OR52N4: variants seen among roughly 807,000 people sequenced by gnomAD.
OR52N4 encodes the protein olfactory receptor family 52 subfamily N member 4, also known as olfactory receptor 52N4.
In OR52N4, 15 loss-of-function variants were observed where a neutral mutation model predicts 15.0. The ratio of observed to expected loss-of-function variants is 1.00; its 90% CI spans 0.67 to 1.54. The LOEUF is 1.54. OR52N4 is among the 40% of genes most tolerant of loss of function. The probability of loss-of-function intolerance (pLI) is 0.00; values close to 1 mark genes in which losing one functional copy is unlikely to be tolerated. For missense variants in OR52N4, 421 were observed against 394.0 expected, an observed-to-expected ratio of 1.07 and a Z score of -0.58; for synonymous variants, 143 against 143.7, an observed-to-expected ratio of 1.00 and a Z score of 0.03.
chr11:5,754,177 T>C (rs1472809372), upstream of OR52N4: 2 of 152,164 alleles, frequency 1.3e-5, no homozygotes, highest in South Asian at 2.1e-4. Context: ...CCAAGCTTCA[T>C]TGAGTAATAA....
chr11:5,738,653 T>C, the OR52N4 span: 1 of 152,120 alleles, frequency 6.6e-6, no homozygotes, highest in Non-Finnish European at 1.5e-5. Context: ...CATAAGAATG[T>C]AGGCAGCTTC....
At chr11:5,734,786 C>T in the OR52N4 span, among the ~76,000 whole-genome samples, 1 of 152,044 alleles carries the variant, frequency 6.6e-6, no homozygotes, top group African/African-American at 2.4e-5. Context: ...TTGTGTTGAA[C>T]CCCTTCAGAA....
Position 5,755,764 on chromosome 11 carries a change from T to C in OR52N4, c.*58T>C. 1.3e-6 allele frequency: 2 copies of C among 1,551,658 alleles called. No individual in the cohort carries two copies. Among genetic ancestry groups the C allele is most frequent in the African/African-American group, 2.7e-5 (2 of 72,992 alleles). On this transcript the variant is annotated 3_prime_UTR_variant, in exon 2 of 2. Transcript: ENST00000641350. Reference sequence around the variant, plus strand: ...AAGAATTACTTCTATTTGCCTCTTATGCAGGAGTTCATAAAATCTTTCTGG... The same window carrying C: ...AAGAATTACTTCTATTTGCCTCTTACGCAGGAGTTCATAAAATCTTTCTGG...
Position 5,755,603 on chromosome 11 carries a change from C to T in OR52N4, c.863C>T (p.Pro288Leu). ...GCCAATATTTATCTGCTCCTACCACCCACTATGAACCCTATTGTCTATGGG... is the reference window on the plus strand; with the variant it reads ...GCCAATATTTATCTGCTCCTACCACTCACTATGAACCCTATTGTCTATGGG... ...IVANIYLLLP[P>L]TMNPIVYGVK... The change falls in exon 2 of 2, where the codon CCC becomes CTC. Residue 288 changes from proline to leucine, a missense_variant. Pro to Leu is a moderately conservative substitution (Grantham distance 98). Coordinates refer to ENST00000641350, the MANE Select transcript of OR52N4 (RefSeq NM_001005175.5). 1 of 1,613,876 alleles carries T rather than the reference C, an allele frequency of 6.2e-7. No individual in the cohort carries two copies. Among genetic ancestry groups the T allele is most frequent in the Non-Finnish European group, 8.5e-7 (1 of 1,179,816 alleles).
At chr11:5,728,294 T>C in the OR52N4 span, among the ~76,000 whole-genome samples, 7 of 152,198 alleles carry the variant, frequency 4.6e-5, no homozygotes, top group African/African-American at 1.7e-4. Flanking sequence ...CCACTCAGAA[T>C]GGGAATTCTT....
chr11:5,752,701 T>C (rs1340714868), upstream of OR52N4, among the ~76,000 whole-genome samples: 1 of 152,208 alleles, frequency 6.6e-6, no homozygotes, highest in Non-Finnish European at 1.5e-5. Flanking sequence ...TACATGTTGA[T>C]TGATTTTTAC....
the OR52N4 span, chr11:5,736,979 C>T: frequency 6.2e-7 from 1 of 1,614,154 alleles, no homozygotes; most frequent in Non-Finnish European, 8.5e-7. Context: ...AAAAGCTACC[C>T]TGTTCATGGT....
the OR52N4 span, among the ~76,000 whole-genome samples, chr11:5,732,968 T>A: frequency 6.6e-6 from 1 of 151,950 alleles, no homozygotes; most frequent in African/African-American, 2.4e-5. Flanking sequence ...AAACTTAGAG[T>A]TATTTTGGGG....
upstream of OR52N4, among the ~76,000 whole-genome samples, chr11:5,752,604 C>A (rs1034847815): frequency 1.1e-4 from 16 of 152,246 alleles, no homozygotes; most frequent in Middle Eastern, 3.4e-3. Context: ...CATGTTTTAA[C>A]ATATTACGTC....
chr11:5,740,922 T>G, the OR52N4 span, among the ~76,000 whole-genome samples: 12 of 127,308 alleles, frequency 9.4e-5, 3 homozygotes, highest in African/African-American at 3.4e-4. Flanking sequence ...TATACCAAGG[T>G]GTGCACTCTG....
chr11:5,745,574 A>C, the OR52N4 span, among the ~76,000 whole-genome samples: 1 of 152,188 alleles, frequency 6.6e-6, no homozygotes, highest in South Asian at 2.1e-4. Context: ...AAATCACCTC[A>C]TGCTCATGAA....
the OR52N4 span, among the ~76,000 whole-genome samples, chr11:5,742,313 T>A: frequency 1.3e-5 from 2 of 152,102 alleles, no homozygotes; most frequent in African/African-American, 4.8e-5. Flanking sequence ...AGGAAATAAT[T>A]AGGAAAATTT....
chr11:5,746,103 T>C, the OR52N4 span, among the ~76,000 whole-genome samples: 1 of 152,132 alleles, frequency 6.6e-6, no homozygotes, highest in Non-Finnish European at 1.5e-5. Context: ...TAGCTGTAGG[T>C]AGAAGAATGA....
chr11:5,735,680 A>G, the OR52N4 span, among the ~76,000 whole-genome samples: 2 of 152,304 alleles, frequency 1.3e-5, no homozygotes, highest in South Asian at 4.1e-4. Context: ...TGCAGAATAA[A>G]AAGTAAATGG....
intron 1 of OR52N4, among the ~76,000 whole-genome samples, 166 bp from the exon 2 acceptor site, chr11:5,754,527 T>A (rs7396868): frequency 0.91 from 139,138 of 152,150 alleles, 63,981 homozygotes; most frequent in Middle Eastern, 0.98. Context: ...CTGAATCAAT[T>A]AATTAATCAA....
At chr11:5,735,486 T>C in the OR52N4 span, among the ~76,000 whole-genome samples, 1 of 151,988 alleles carries the variant, frequency 6.6e-6, no homozygotes, top group Non-Finnish European at 1.5e-5. Context: ...ATCAGATTGC[T>C]AGCAGAAAGA....
Position 5,755,760 on chromosome 11 carries a change from C to T in OR52N4, c.*54C>T. The T allele has an allele frequency of 6.4e-7, 1 of 1,561,126 alleles. No individual in the cohort carries two copies. The highest frequency in any genetic ancestry group is 8.6e-7 in the Non-Finnish European group (1 of 1,156,142). On this transcript the variant is annotated 3_prime_UTR_variant, in exon 2 of 2. Coordinates refer to ENST00000641350, the MANE Select transcript of OR52N4 (RefSeq NM_001005175.5). ...AGGAAAGAATTACTTCTATTTGCCT[C>T]TTATGCAGGAGTTCATAAAATCTTT...
the OR52N4 span, chr11:5,736,077 A>G: frequency 6.0e-6 from 1 of 167,270 alleles, no homozygotes; most frequent in African/African-American, 2.4e-5. Flanking sequence ...ATTCAGCCAT[A>G]ATCACTAACT....
chr11:5,732,712 T>C, the OR52N4 span, among the ~76,000 whole-genome samples: 7 of 152,214 alleles, frequency 4.6e-5, no homozygotes, highest in African/African-American at 1.2e-4. Context: ...ATAGCATTAA[T>C]TCAAATATTC....
Sources: allele counts gnomAD v4.1 joint callset (sites outside exome capture counted in the v4.1 genomes callset), GRCh38; gene constraint gnomAD v4.1.1; transcripts MANE v1.5; gene names NCBI Gene and HGNC (gene_info 2026-07-23, HGNC 2026-07-21).